Variants in CHODL observed in about 807,000 individuals in gnomAD.
CHODL encodes transmembrane protein MT75.
A neutral mutation model predicts 34.5 loss-of-function variants in CHODL; 29 were observed. That is an observed-to-expected ratio of 0.84 (90% CI 0.63 to 1.15). The LOEUF (loss-of-function observed/expected upper bound fraction) is 1.15, where lower values mean the gene tolerates loss of function less well. Among genes scored for constraint, CHODL ranks in the 50% most tolerant of loss-of-function variants. The probability of loss-of-function intolerance (pLI) is 0.00; values close to 1 mark genes in which losing one functional copy is unlikely to be tolerated. For missense variants in CHODL, 332 were observed against 332.5 expected (o/e 1.00, Z 0.01); for synonymous variants, 125 against 116.1 (o/e 1.08, Z -0.49).
chr21:17,955,764 C>T (rs2063490224), intron 1 of CHODL, among the ~76,000 whole-genome samples: 1 of 136,568 alleles, frequency 7.3e-6, no homozygotes, highest in Admixed American at 7.2e-5. Flanking sequence ...TTATAAAAAC[C>T]TGAAGTGCTG....
intron 2 of CHODL, among the ~76,000 whole-genome samples, chr21:18,146,862 G>A (rs2072896938): frequency 6.6e-6 from 1 of 152,076 alleles, no homozygotes; most frequent in Admixed American, 6.6e-5. Flanking sequence ...CAGCTTATTG[G>A]CTTTTCTAGT....
chr21:17,969,305 GAATTTTGC>G (rs1264973324), intron 1 of CHODL, among the ~76,000 whole-genome samples: 2 of 152,034 alleles, frequency 1.3e-5, no homozygotes, highest in African/African-American at 4.8e-5. Flanking sequence ...TTGATATCTT[GAATTTTGC>G]AATTTGTTTT....
rs1444111276 is a variant in CHODL, at chr21:18,102,246, C to T, written c.-45+74275C>T. ...CTTGGTTATCATTTTGTCAATCATC[C>T]AGGGAACGCCCAACACTTCCTTTTG... On this transcript the variant is annotated intron_variant, in intron 2 of 6. Transcript: ENST00000400127. Among the ~76,000 whole-genome samples, 5 of 152,224 alleles carry T rather than the reference C, an allele frequency of 3.3e-5. No homozygotes were observed. In the East Asian group the frequency reaches 7.7e-4, roughly 24 times the overall value.
chr21:18,179,311 C>A (rs2824685), intron 2 of CHODL, among the ~76,000 whole-genome samples: 31,647 of 152,060 alleles, frequency 0.21, 5,634 homozygotes, highest in African/African-American at 0.48. Flanking sequence ...CTCTGTTCGT[C>A]GATTCCTGTC....
At chr21:18,189,097 G>A (rs961733332) in intron 2 of CHODL, among the ~76,000 whole-genome samples, 1 of 152,032 alleles carries the variant, frequency 6.6e-6, no homozygotes. Context: ...TTCTCTTTAT[G>A]GCTTTTCCTG....
intron 2 of CHODL, among the ~76,000 whole-genome samples, chr21:18,049,542 A>G (rs209278): frequency 0.64 from 97,722 of 151,846 alleles, 33,433 homozygotes; most frequent in East Asian, 0.87. Context: ...GAGACTGTGT[A>G]GTTTAAACAA....
At chr21:18,051,738 G>T (rs898983385) in intron 2 of CHODL, among the ~76,000 whole-genome samples, 1 of 151,834 alleles carries the variant, frequency 6.6e-6, no homozygotes. Context: ...AAGACTTCCC[G>T]TTAACTACTT....
At chr21:18,008,390 T>G (rs1048338649) in intron 1 of CHODL, among the ~76,000 whole-genome samples, 1 of 152,116 alleles carries the variant, frequency 6.6e-6, no homozygotes, top group African/African-American at 2.4e-5. Context: ...AAGTGCACAA[T>G]ATTGTTAATT....
intron 2 of CHODL, among the ~76,000 whole-genome samples, chr21:18,121,433 C>A (rs1201937848): frequency 6.6e-6 from 1 of 152,154 alleles, no homozygotes; most frequent in African/African-American, 2.4e-5. Context: ...CCTACAATTC[C>A]AGACTTATAG....
chr21:18,098,064 A>G (rs1236642273), intron 2 of CHODL, among the ~76,000 whole-genome samples: 1 of 152,120 alleles, frequency 6.6e-6, no homozygotes, highest in African/African-American at 2.4e-5. Flanking sequence ...AATAAAATCT[A>G]AATGGATTAA....
At chr21:17,981,952 A>G (rs1465994319) in intron 1 of CHODL, among the ~76,000 whole-genome samples, 1 of 152,242 alleles carries the variant, frequency 6.6e-6, no homozygotes, top group African/African-American at 2.4e-5. Context: ...AGGCCCAAAT[A>G]TTTATTTGTA....
chr21:18,093,413 A>G (rs144886078), intron 2 of CHODL, among the ~76,000 whole-genome samples: 1 of 152,274 alleles, frequency 6.6e-6, no homozygotes, highest in East Asian at 1.9e-4. Flanking sequence ...AGTCCTGGTA[A>G]TAATAAACAC....
chr21:17,959,170 C>T (rs552426878), intron 1 of CHODL, among the ~76,000 whole-genome samples: 6 of 152,084 alleles, frequency 3.9e-5, no homozygotes, highest in African/African-American at 1.4e-4. Flanking sequence ...TATTTCTGCC[C>T]CCAGCTTAAG....
intron 1 of CHODL, among the ~76,000 whole-genome samples, chr21:17,920,120 AC>A (rs2063172363): frequency 6.6e-6 from 1 of 151,940 alleles, no homozygotes; most frequent in Non-Finnish European, 1.5e-5. Context: ...TTTCTTCTGA[AC>A]CCTCCAGACT....
chr21:18,203,813 TG>T (rs2146712685), intron 2 of CHODL, among the ~76,000 whole-genome samples: 2 of 152,266 alleles, frequency 1.3e-5, no homozygotes, highest in East Asian at 3.9e-4. Context: ...AAAAGCAGTC[TG>T]GTGTTTTAGA....
At position 18,005,895 on chromosome 21, in the gene CHODL, G is replaced by A. The variant is rs566206941; in HGVS notation, c.-144-21977G>A. Among the ~76,000 whole-genome samples, 3 of 152,262 alleles carry A rather than the reference G, an allele frequency of 2.0e-5. No homozygotes were observed. In the South Asian group the frequency reaches 6.2e-4, roughly 32 times the overall value. On this transcript the variant is annotated intron_variant, in intron 1 of 6. Coordinates refer to the CHODL transcript ENST00000400127. ...ATGCTGGGTGATATGGTTTGGCTAT[G>A]TCCCCACCCAAATCTCATCTTGAAT...
At chr21:18,129,904 G>C (rs370999082) in intron 2 of CHODL, among the ~76,000 whole-genome samples, 13,182 of 143,096 alleles carry the variant, frequency 0.092, 720 homozygotes, top group Middle Eastern at 0.19. Flanking sequence ...GTGTGTGTGT[G>C]TGTGTGTGTG....
At chr21:18,032,296 CAT>C (rs988323993) in intron 2 of CHODL, among the ~76,000 whole-genome samples, 17 of 152,062 alleles carry the variant, frequency 1.1e-4, no homozygotes, top group South Asian at 8.3e-4. Flanking sequence ...TCAATATATA[CAT>C]GTTTCAAAAT....
In CHODL at chr21:18,051,427, G is replaced by A. The variant is rs370340951; in HGVS notation, c.-45+23456G>A. On this transcript the variant is annotated intron_variant, in intron 2 of 6. Coordinates refer to the CHODL transcript ENST00000400127. ...TCTTTTTTTTTTTTTTATTTTTTCC[G>A]TAGATGTTGGACATTTATATGTGAC... is the stretch of plus-strand genomic sequence containing the variant. Among the ~76,000 whole-genome samples, 12 of 143,154 alleles carry A rather than the reference G, an allele frequency of 8.4e-5. 1 individual carries two copies. Among genetic ancestry groups the A allele is most frequent in the Admixed American group, 2.9e-4 (4 of 13,912 alleles). 93.9% of individuals were successfully genotyped at this position (143,154 alleles called of 152,430 possible). A position where few individuals can be genotyped will look rare whatever the true frequency, so the allele number is the denominator to read the frequency against.
Sources: gnomAD v4.1 joint callset for allele counts (sites outside exome capture counted in the v4.1 genomes callset) on GRCh38, gnomAD v4.1.1 for gene constraint, MANE v1.5 for transcripts, NCBI Gene and HGNC (gene_info 2026-07-23, HGNC 2026-07-21) for gene names.